Variants in PLB1 observed in about 807,000 individuals in gnomAD.
The protein encoded by PLB1 is phospholipase B1.
Under a neutral mutation model 227.4 loss-of-function variants are expected in PLB1, and 242 were observed. The ratio of observed to expected loss-of-function variants is 1.06; its 90% CI spans 0.96 to 1.18. The LOEUF is 1.18. PLB1 is among the 50% of genes most tolerant of loss of function. The pLI is 0.00. For synonymous variants in PLB1, 757 were observed against 682.2 expected (o/e 1.11, Z -1.71); for missense variants, 1,858 against 1,816.3 (o/e 1.02, Z -0.42).
intron 1 of PLB1, among the ~76,000 whole-genome samples, chr2:28,500,601 C>A (rs1000224022): frequency 2.0e-5 from 3 of 151,994 alleles, no homozygotes; most frequent in African/African-American, 7.2e-5. Context: ...TTTTCCCCCA[C>A]TTAAATAAAT....
In PLB1 at chr2:28,620,815, C is replaced by T. The variant is rs1469938696; in HGVS notation, c.3428-64C>T. The stretch of plus-strand genomic sequence containing the variant: ...ATGTCCCCACCCTGCATGCTCATCT[C>T]AGTTACTGTGAGGGTCCTGCAGGCT... On this transcript the variant is annotated intron_variant, in intron 48 of 57. Transcript: ENST00000327757. 14 of 1,482,902 alleles carry T rather than the reference C, an allele frequency of 9.4e-6. No individual in the cohort carries two copies. In the South Asian group the frequency reaches 1.1e-4, roughly 12 times the overall value. 91.9% of individuals were successfully genotyped at this position (1,482,902 alleles called of 1,614,324 possible).
chr2:28,600,400 A>C (rs1377164382), intron 35 of PLB1, among the ~76,000 whole-genome samples: 1 of 152,238 alleles, frequency 6.6e-6, no homozygotes. Flanking sequence ...TTTGAGCATC[A>C]AACTCAGCTT....
In PLB1 at chr2:28,589,697, T is replaced by C. The variant is rs1174598111; in HGVS notation, c.1943T>C (p.Phe648Ser). ...CAGGAAGGATTGCCTGACAACTCTT[T>C]CTTCGCTCCTGACTGTTTCCACTTC... ...KTSEGLPDNS[F>S]FAPDCFHFSS... The change falls in exon 28 of 58, where the codon TTC becomes TCC. Residue 648 changes from phenylalanine to serine, a missense_variant. Transcript: ENST00000327757. 1 of 1,614,138 alleles carries C rather than the reference T, an allele frequency of 6.2e-7. No homozygotes were observed.
intron 1 of PLB1, 119 bp downstream of exon 1, chr2:28,496,288 G>C (rs1253818834): frequency 4.9e-6 from 5 of 1,028,246 alleles, no homozygotes; most frequent in African/African-American, 1.6e-5. Flanking sequence ...AGCACAAAGC[G>C]TACAGTTCAA....
chr2:28,562,557 A>AAAAAAAAAAAAAAAAAT (rs1676229267), intron 17 of PLB1, among the ~76,000 whole-genome samples: 2 of 150,808 alleles, frequency 1.3e-5, no homozygotes, highest in Non-Finnish European at 1.5e-5. Flanking sequence ...AAAAAAAAAA[A>AAAAAAAAAAAAAAAAAT]AAGTCAGTGG....
At chr2:28,567,469 C>CTTTTTTTTTTTTT (rs57787583) in intron 20 of PLB1, among the ~76,000 whole-genome samples, 8 of 108,072 alleles carry the variant, frequency 7.4e-5, no homozygotes, top group African/African-American at 2.8e-4. Context: ...ATTTCTTTCT[C>CTTTTTTTTTTTTT]TTTTTTTTTT....
intron 11 of PLB1, 23 bp from the exon 12 acceptor site, chr2:28,540,343 T>G (rs1672309251): frequency 6.2e-7 from 1 of 1,608,930 alleles, no homozygotes; most frequent in African/African-American, 1.3e-5. Context: ...CCTCTCTCAT[T>G]CCTGGTGTGT....
intron 55 of PLB1, 78 bp downstream of exon 55, chr2:28,632,218 G>A (rs910735395): frequency 5.0e-6 from 6 of 1,207,312 alleles, no homozygotes; most frequent in African/African-American, 1.9e-5. Context: ...TTCTCTAAGT[G>A]GGCTTTTTTT....
chr2:28,641,040 C>A, intron 57 of PLB1, 39 bp downstream of exon 57: 1 of 1,592,250 alleles, frequency 6.3e-7, no homozygotes, highest in Non-Finnish European at 8.6e-7. Flanking sequence ...GGAACAGATG[C>A]CTGGGGTGGG....
intron 2 of PLB1, among the ~76,000 whole-genome samples, chr2:28,518,131 G>A (rs1008319935): frequency 1.3e-5 from 2 of 152,030 alleles, no homozygotes; most frequent in Admixed American, 6.6e-5. Flanking sequence ...ATCCTCCTAC[G>A]TCAGCCTGCC....
chr2:28,540,990 G>A (rs1572855308), intron 12 of PLB1, among the ~76,000 whole-genome samples: 3 of 152,084 alleles, frequency 2.0e-5, no homozygotes, highest in East Asian at 1.9e-4. Flanking sequence ...GGGCAACATA[G>A]TGAAACCTCA....
intron 44 of PLB1, among the ~76,000 whole-genome samples, chr2:28,614,940 T>C (rs1352737872): frequency 6.6e-6 from 1 of 151,906 alleles, no homozygotes; most frequent in African/African-American, 2.4e-5. Context: ...TACAATCTAC[T>C]GAGAAAGGTG....
chr2:28,577,815 G>A (rs1679231622), intron 21 of PLB1, among the ~76,000 whole-genome samples: 1 of 152,224 alleles, frequency 6.6e-6, no homozygotes, highest in Admixed American at 6.5e-5. Context: ...ACTTCAGCCT[G>A]GGTGACAGAG....
chr2:28,637,905 G>T (rs1159974834), intron 56 of PLB1, among the ~76,000 whole-genome samples: 1 of 152,160 alleles, frequency 6.6e-6, no homozygotes, highest in African/African-American at 2.4e-5. Context: ...GTGGTTGGTA[G>T]CCACAGTGCC....
intron 9 of PLB1, among the ~76,000 whole-genome samples, chr2:28,533,541 C>G (rs760099577): frequency 6.6e-6 from 1 of 152,196 alleles, no homozygotes; most frequent in Non-Finnish European, 1.5e-5. Context: ...TATGCAGTCA[C>G]GCACTGAAGT....
At chr2:28,521,373 T>A (rs959361737) in intron 4 of PLB1, among the ~76,000 whole-genome samples, 2 of 152,260 alleles carry the variant, frequency 1.3e-5, no homozygotes, top group African/African-American at 4.8e-5. Context: ...CCATAGTGAC[T>A]GCACTATTTT....
intron 37 of PLB1, among the ~76,000 whole-genome samples, chr2:28,601,548 A>C (rs1366950076): frequency 1.3e-5 from 2 of 151,910 alleles, no homozygotes; most frequent in East Asian, 3.9e-4. Context: ...TCCATGTCCT[A>C]GGTGGTGAGG....
intron 17 of PLB1, among the ~76,000 whole-genome samples, chr2:28,553,334 A>G (rs1036478284): frequency 6.6e-6 from 1 of 152,216 alleles, no homozygotes; most frequent in Non-Finnish European, 1.5e-5. Flanking sequence ...GAAAGCAAAA[A>G]TAGCCAGTCC....
intron 56 of PLB1, among the ~76,000 whole-genome samples, chr2:28,634,566 G>A (rs906579975): frequency 3.3e-5 from 5 of 152,080 alleles, no homozygotes; most frequent in South Asian, 2.1e-4. Flanking sequence ...CCATAGTGAC[G>A]GCTGGAACAT....
Sources: gnomAD v4.1 joint callset for allele counts (sites outside exome capture counted in the v4.1 genomes callset) on GRCh38, gnomAD v4.1.1 for gene constraint, MANE v1.5 for transcripts, NCBI Gene and HGNC (gene_info 2026-07-23, HGNC 2026-07-21) for gene names.